RBM46: variants seen among roughly 807,000 people sequenced by gnomAD.
RBM46 encodes probable RNA-binding protein 46.
RBM46 carries 12 observed loss-of-function variants against 43.3 expected under a neutral mutation model. That is an observed-to-expected ratio of 0.28 (90% CI 0.18 to 0.45). The LOEUF (loss-of-function observed/expected upper bound fraction) is 0.45, where lower values mean the gene tolerates loss of function less well. Ranked by LOEUF, RBM46 falls within the 20% of genes least tolerant of loss-of-function variation. RBM46 has a pLI of 1.00. For missense variants in RBM46, 412 were observed against 639.1 expected (o/e 0.64, Z 3.83); for synonymous variants, 205 against 207.6 (o/e 0.99, Z 0.11).
chr4:154,795,541 A>G (rs1269143356), intron 1 of RBM46, among the ~76,000 whole-genome samples: 1 of 152,246 alleles, frequency 6.6e-6, no homozygotes, highest in South Asian at 2.1e-4. Flanking sequence ...CCTGTTGCCC[A>G]GGCCAGAGTG....
At chr4:154,824,055 G>A (rs1469570566) in intron 4 of RBM46, among the ~76,000 whole-genome samples, 1 of 150,608 alleles carries the variant, frequency 6.6e-6, no homozygotes, top group Non-Finnish European at 1.5e-5. Context: ...ATTTGATCAG[G>A]TTTTCTATAA....
intron 4 of RBM46, among the ~76,000 whole-genome samples, chr4:154,809,355 G>A (rs1185258723): frequency 6.6e-6 from 1 of 151,912 alleles, no homozygotes; most frequent in African/African-American, 2.4e-5. Context: ...TGATATATTG[G>A]AGAATGATTT....
At chr4:154,804,359 G>A (rs1336301449) in intron 4 of RBM46, among the ~76,000 whole-genome samples, 1 of 152,112 alleles carries the variant, frequency 6.6e-6, no homozygotes, top group Non-Finnish European at 1.5e-5. Flanking sequence ...CTCGTTATCT[G>A]TTTAGTAATA....
rs563751253 is a variant in RBM46 at position 154,823,178 on chromosome 4, C to T, written c.1403-4690C>T. On this transcript the variant is annotated intron_variant, in intron 4 of 4. Transcript: ENST00000281722. ...TTATGAAGTCAGTTCCAAAAGACCACATAAATTTATACAAAAAGTCCAGAA... is the reference window on the plus strand; with the variant it reads ...TTATGAAGTCAGTTCCAAAAGACCATATAAATTTATACAAAAAGTCCAGAA... Among the ~76,000 whole-genome samples, 12 of 151,846 alleles carry T rather than the reference C, an allele frequency of 7.9e-5. No individual in the cohort carries two copies. In the South Asian group the frequency reaches 2.3e-3, roughly 29 times the overall value.
At chr4:154,824,774 GAA>G (rs1240834286) in intron 4 of RBM46, among the ~76,000 whole-genome samples, 1 of 151,884 alleles carries the variant, frequency 6.6e-6, no homozygotes, top group African/African-American at 2.4e-5. Flanking sequence ...TATGTTGAGA[GAA>G]AGAAGATAGA....
At chr4:154,802,419 C>T (rs1404166486) in intron 4 of RBM46, among the ~76,000 whole-genome samples, 1 of 152,206 alleles carries the variant, frequency 6.6e-6, no homozygotes, top group Non-Finnish European at 1.5e-5. Flanking sequence ...TGAGTGTTGC[C>T]ATAGCAGTGT....
chr4:154,824,673 G>GA lies in RBM46; in HGVS notation c.1403-3186dup, dbSNP rs199700603. Among the ~76,000 whole-genome samples the GA allele has an allele frequency of 3.9e-3, 586 of 150,134 alleles. 4 individuals carry two copies. The highest frequency in any genetic ancestry group is 0.014 in the Middle Eastern group (4 of 294). On this transcript the variant is annotated intron_variant, in intron 4 of 4. Transcript: ENST00000281722. ...TGTCAGTGGATTCTCTTTGTGAATG[G>GA]AAAAAAAAAGCATCCTTATTTTGTA...
chr4:154,790,292 T>C (rs1560891512), intron 1 of RBM46: 1 of 152,232 alleles, frequency 6.6e-6, no homozygotes. Context: ...TTTCCTGCTT[T>C]CTCTTGTGGG....
chr4:154,792,471 G>T (rs551921652), intron 1 of RBM46, among the ~76,000 whole-genome samples: 4 of 152,150 alleles, frequency 2.6e-5, no homozygotes, highest in African/African-American at 9.7e-5. Context: ...CTCCTTCCGT[G>T]TCTCATTCAT....
chr4:154,814,717 A>G (rs1441995577), intron 4 of RBM46, among the ~76,000 whole-genome samples: 2 of 152,014 alleles, frequency 1.3e-5, no homozygotes, highest in African/African-American at 2.4e-5. Context: ...TAGTTTTTAA[A>G]TTAGTCTGAA....
intron 1 of RBM46, among the ~76,000 whole-genome samples, chr4:154,784,104 A>C (rs156551): frequency 0.028 from 4,202 of 152,320 alleles, 202 homozygotes; most frequent in African/African-American, 0.096. Context: ...GTAATTCAAG[A>C]AATGTCATAA....
rs1172803516 is a variant in RBM46, at chr4:154,828,374, T to G, written c.*307T>G. On this transcript the variant is annotated 3_prime_UTR_variant, in exon 5 of 5. Coordinates refer to ENST00000281722, the MANE Select transcript of RBM46 (RefSeq NM_144979.5). ...CAATAGAACCTAGTCATTTATGTTT[T>G]TTTTTTTTTTTGCATAATTTTACTA... 1.5e-5 allele frequency: 4 copies of G among 263,250 alleles called. No individual in the cohort carries two copies. Among genetic ancestry groups the G allele is most frequent in the African/African-American group, 7.1e-5 (3 of 42,516 alleles). The allele number at this position is 263,250 out of a possible 1,614,324, so 16.3% of individuals were successfully genotyped here.
intron 4 of RBM46, among the ~76,000 whole-genome samples, chr4:154,819,903 T>C (rs1284635210): frequency 1.3e-5 from 2 of 152,116 alleles, no homozygotes; most frequent in African/African-American, 4.8e-5. Context: ...TAGTATTATT[T>C]TGGCCATCTA....
rs558426035 is a variant in RBM46, at chr4:154,799,465, A to C, written c.1303A>C (p.Ile435Leu). 1 of 1,613,834 alleles carries C rather than the reference A, an allele frequency of 6.2e-7. No homozygotes were observed. The highest frequency in any genetic ancestry group is 2.2e-5 in the East Asian group (1 of 44,878). ...LLVYKIVIPA[I>L]ANGSQSYFMP... ...GGTGTATAAGATAGTTATTCCTGCT[A>C]TTGCAAATGGATCCCAGAGTTACTT... The change falls in exon 4 of 5, where the codon ATT (isoleucine) becomes CTT (leucine). Residue 435 changes from isoleucine to leucine, a missense_variant. By Grantham distance (5) the Ile-to-Leu change is conservative. Coordinates refer to ENST00000281722, the MANE Select transcript of RBM46 (RefSeq NM_144979.5).
chr4:154,799,432 G>T lies in RBM46; in HGVS notation c.1270G>T (p.Val424Leu). 6.2e-7 allele frequency: 1 copy of T among 1,614,074 alleles called. No homozygotes were observed. The highest frequency in any genetic ancestry group is 8.5e-7 in the Non-Finnish European group (1 of 1,179,968). ...LYSTTSQDGK[V>L]LLVYKIVIPA... Reference sequence around the variant, plus strand: ...TTCAACAACAAGTCAAGATGGGAAAGTACTCTTGGTGTATAAGATAGTTAT... The same window carrying T: ...TTCAACAACAAGTCAAGATGGGAAATTACTCTTGGTGTATAAGATAGTTAT... Residue 424 changes from valine (V) to leucine (L), a missense_variant, in exon 4 of 5, where the codon GTA (valine) becomes TTA (leucine). Coordinates refer to ENST00000281722, the MANE Select transcript of RBM46 (RefSeq NM_144979.5).
intron 4 of RBM46, among the ~76,000 whole-genome samples, chr4:154,803,203 GT>G (rs201353538): frequency 2.6e-5 from 4 of 151,570 alleles, no homozygotes; most frequent in African/African-American, 4.8e-5. Context: ...ATATTTAGGT[GT>G]TTTTTTTGGT....
chr4:154,810,737 A>G, intron 4 of RBM46, among the ~76,000 whole-genome samples: 1 of 152,200 alleles, frequency 6.6e-6, no homozygotes, highest in East Asian at 1.9e-4. Context: ...AAGAGTCTTT[A>G]CTAGACTATT....
chr4:154,808,542 A>C (rs760257528), intron 4 of RBM46, among the ~76,000 whole-genome samples: 10 of 152,006 alleles, frequency 6.6e-5, no homozygotes, highest in Non-Finnish European at 1.0e-4. Context: ...CAAAATTTGC[A>C]GCATATGTGC....
intron 4 of RBM46, chr4:154,826,746 T>G: frequency 7.4e-7 from 1 of 1,351,706 alleles, no homozygotes; most frequent in Non-Finnish European, 1.0e-6. Context: ...TTCCTTTTTT[T>G]TTTTTTTTTT....
Sources: gnomAD v4.1 joint callset for allele counts (sites outside exome capture counted in the v4.1 genomes callset) on GRCh38, gnomAD v4.1.1 for gene constraint, MANE v1.5 for transcripts, NCBI Gene and HGNC (gene_info 2026-07-23, HGNC 2026-07-21) for gene names.